The following RBBP6 variants were observed in gnomAD, a reference collection of about 807,000 sequenced individuals.
RBBP6 encodes E3 ubiquitin-protein ligase RBBP6.
RBBP6 carries 25 observed loss-of-function variants against 167.7 expected under a neutral mutation model. The observed-to-expected ratio is 0.15, with a 90% CI of 0.11 to 0.21. RBBP6 has a LOEUF of 0.21. Among genes scored for constraint, RBBP6 ranks in the 10% least tolerant of loss-of-function variants. The pLI, the probability that RBBP6 is intolerant of heterozygous loss-of-function variation, is 1.00. For synonymous variants in RBBP6, 789 were observed against 735.8 expected, an observed-to-expected ratio of 1.07 and a Z score of -1.17; for missense variants, 1,868 against 2,134.2, an observed-to-expected ratio of 0.88 and a Z score of 2.46.
rs111330949 is a variant in RBBP6 at position 24,570,305 on chromosome 16, A to G, written c.3615A>G (p.Pro1205=). The change falls in exon 17 of 18, where the codon CCA becomes CCG. Residue 1205 remains proline, a synonymous_variant. Transcript: ENST00000319715. The part of the protein sequence containing the change: ...PEKDKISLSA[P]AKKIKLNRET... ...AGGACAAAATTTCTTTAAGTGCGCC[A>G]GCCAAAAAAATCAAACTCAACAGAG... 1.1e-4 allele frequency: 173 copies of G among 1,610,144 alleles called. No homozygotes were observed. In the African/African-American group the frequency reaches 2.2e-3, roughly 21 times the overall value.
chr16:24,550,095 A>C (rs780414936), intron 3 of RBBP6, among the ~76,000 whole-genome samples: 54 of 151,962 alleles, frequency 3.6e-4, no homozygotes, highest in Non-Finnish European at 4.0e-4. Context: ...CAAGATGTCT[A>C]AAATCTTCAT....
chr16:24,547,443 A>G (rs777091344), intron 2 of RBBP6, among the ~76,000 whole-genome samples: 27 of 151,704 alleles, frequency 1.8e-4, no homozygotes, highest in Non-Finnish European at 3.2e-4. Flanking sequence ...ATATGTGTGT[A>G]TATATATATA....
In RBBP6 at chr16:24,569,470, A is replaced by G; in HGVS notation, c.2780A>G (p.Asp927Gly). 2 of 1,611,054 alleles carry G rather than the reference A, an allele frequency of 1.2e-6. No homozygotes were observed. Among genetic ancestry groups the G allele is most frequent in the Non-Finnish European group, 1.7e-6 (2 of 1,179,250 alleles). ...AAGGAGAGTGAAAACGCTCCAGGAG[A>G]TGGTAAAGGAAATAAGCATAAGAAA... ...KEKESENAPG[D>G]GKGNKHKKHR... is the part of the protein sequence containing the mutation. The change falls in exon 17 of 18, where the codon GAT becomes GGT. Residue 927 changes from aspartate (D) to glycine (G), a missense_variant. Around this residue, in one of 7 missense-constraint regions of RBBP6, gnomAD observed 673 missense variants for 691.5 expected, o/e 0.97. Transcript: ENST00000319715.
chr16:24,569,172 C>A lies in RBBP6; in HGVS notation c.2482C>A (p.Arg828=). ...FRDPFEKERY[R]EWERKYREWY... is the part of the protein sequence containing the mutation. Reference sequence around the variant, plus strand: ...AGACCCATTTGAAAAAGAACGCTACCGAGAATGGGAGAGAAAATATAGAGA... The same window carrying A: ...AGACCCATTTGAAAAAGAACGCTACAGAGAATGGGAGAGAAAATATAGAGA... Residue 828 remains arginine (R), a synonymous_variant, in exon 17 of 18, where the codon CGA becomes AGA. Transcript: ENST00000319715. 6.2e-7 allele frequency: 1 copy of A among 1,612,000 alleles called. No homozygotes were observed. Among genetic ancestry groups the A allele is most frequent in the South Asian group, 1.1e-5 (1 of 90,870 alleles).
chr16:24,570,865 ATTC>A lies in RBBP6; in HGVS notation c.3810-8_3810-6del, dbSNP rs777535712. ...CTTCATTAATTAAAAATATTTTGTT[ATTC>A]TTTTTAGTACGAGCTCAACTGGAGG... is the stretch of plus-strand genomic sequence containing the variant. On this transcript the variant is annotated splice_region_variant and splice_polypyrimidine_tract_variant and intron_variant, in intron 17 of 17. Coordinates refer to ENST00000319715, the MANE Select transcript of RBBP6 (RefSeq NM_006910.5). The A allele has an allele frequency of 4.2e-6, 6 of 1,434,130 alleles. No homozygotes were observed. The highest frequency in any genetic ancestry group is 1.4e-5 in the African/African-American group (1 of 69,286). 88.8% of individuals were successfully genotyped at this position (1,434,130 alleles called of 1,614,324 possible).
rs1356929080 is a variant in RBBP6, at chr16:24,562,006, T to C, written c.1134T>C (p.Thr378=). ...PLMIPVTSSS[T]HPAPSISSLT... ...TGATTCCAGTGACATCTTCATCAAC[T>C]CACCCAGCTCCGTCTATATCTTCAT... The change falls in exon 10 of 18, where the codon ACT becomes ACC. Residue 378 remains threonine, a synonymous_variant. Coordinates refer to ENST00000319715, the MANE Select transcript of RBBP6 (RefSeq NM_006910.5). 1 of 1,613,658 alleles carries C rather than the reference T, an allele frequency of 6.2e-7. No individual in the cohort carries two copies. The highest frequency in any genetic ancestry group is 8.5e-7 in the Non-Finnish European group (1 of 1,179,642).
At chr16:24,558,408 CTCTT>C (rs1898971166) in intron 7 of RBBP6, 6 of 548,154 alleles carry the variant, frequency 1.1e-5, no homozygotes, top group Non-Finnish European at 1.3e-5. Context: ...TCTTTTTTCT[CTCTT>C]TTGGGCAGTG....
chr16:24,562,076 C>A lies in RBBP6; in HGVS notation c.1204C>A (p.Pro402Thr). Residue 402 changes from proline (P) to threonine (T), a missense_variant, in exon 10 of 18, where the codon CCG (proline) becomes ACG (threonine). By Grantham distance (38) the Pro-to-Thr change is conservative. Coordinates refer to ENST00000319715, the MANE Select transcript of RBBP6 (RefSeq NM_006910.5). Reference sequence around the variant, plus strand: ...CTTGGCCCCTCCTGTGTCTGGAAATCCGTCTTCTGCTCCAGCTCCTGTACC... The same window carrying A: ...CTTGGCCCCTCCTGTGTCTGGAAATACGTCTTCTGCTCCAGCTCCTGTACC... ...SSLAPPVSGNPSSAPAPVPDI... is the reference protein window; with the variant it reads ...SSLAPPVSGNTSSAPAPVPDI... 1 of 1,613,474 alleles carries A rather than the reference C, an allele frequency of 6.2e-7. No homozygotes were observed. The highest frequency in any genetic ancestry group is 8.5e-7 in the Non-Finnish European group (1 of 1,179,488).
intron 1 of RBBP6, among the ~76,000 whole-genome samples, chr16:24,541,271 C>T (rs1419204584): frequency 6.6e-6 from 1 of 151,548 alleles, no homozygotes; most frequent in Non-Finnish European, 1.5e-5. Flanking sequence ...TCCTGCCTTC[C>T]TCCCTCCTCG....
chr16:24,567,412 T>C lies in RBBP6; in HGVS notation c.1859T>C (p.Val620Ala). The C allele has an allele frequency of 6.2e-7, 1 of 1,614,114 alleles. No homozygotes were observed. Among genetic ancestry groups the C allele is most frequent in the Non-Finnish European group, 8.5e-7 (1 of 1,180,014 alleles). The change falls in exon 15 of 18, where the codon GTG (valine) becomes GCG (alanine). Residue 620 changes from valine (V) to alanine (A), a missense_variant. Val to Ala is a moderately conservative substitution (Grantham distance 64). This residue lies in a region of RBBP6 where 145 missense variants were observed against 224.3 expected (regional missense o/e 0.65). Transcript: ENST00000319715. ...NLSTPWVSSGVQTAHSNTIPT... is the reference protein window; with the variant it reads ...NLSTPWVSSGAQTAHSNTIPT... ...TCAACACCTTGGGTATCATCAGGAG[T>C]GCAGACAGCTCATTCAAATACCATC...
At chr16:24,567,957 C>A in intron 16 of RBBP6, 64 bp downstream of exon 16, 1 of 1,347,098 alleles carries the variant, frequency 7.4e-7, no homozygotes, top group Non-Finnish European at 1.1e-6. Context: ...CAGGGATTAG[C>A]TATGGATATA....
At position 24,561,848 on chromosome 16, in the gene RBBP6, A is replaced by G. The variant is rs1899065010; in HGVS notation, c.976A>G (p.Thr326Ala). 6.2e-7 allele frequency: 1 copy of G among 1,611,442 alleles called. No homozygotes were observed. Among genetic ancestry groups the G allele is most frequent in the Middle Eastern group, 1.7e-4 (1 of 6,034 alleles). The change falls in exon 10 of 18, where the codon ACT becomes GCT. Residue 326 changes from threonine to alanine, a missense_variant. Thr to Ala is a moderately conservative substitution (Grantham distance 58). Coordinates refer to ENST00000319715, the MANE Select transcript of RBBP6 (RefSeq NM_006910.5). ...GGCTGTAAATAACTTCAAAAATGAA[A>G]CTGGCTATACAAAAAGACTACGAAA... ...RQAVNNFKNETGYTKRLRKQL... is the reference protein window; with the variant it reads ...RQAVNNFKNEAGYTKRLRKQL...
intron 17 of RBBP6, 31 bp from the exon 18 acceptor site, chr16:24,570,845 T>C: frequency 7.3e-7 from 1 of 1,373,730 alleles, no homozygotes; most frequent in Non-Finnish European, 9.5e-7. Flanking sequence ...AAATTCTTCA[T>C]TAATTAAAAA....
intron 1 of RBBP6, among the ~76,000 whole-genome samples, chr16:24,544,984 G>T (rs1275788761): frequency 6.6e-6 from 1 of 152,056 alleles, no homozygotes; most frequent in East Asian, 1.9e-4. Context: ...CATAACACAG[G>T]TCGTCATTAT....
intron 14 of RBBP6, among the ~76,000 whole-genome samples, chr16:24,565,303 C>G (rs1899167622): frequency 6.6e-6 from 1 of 152,180 alleles, no homozygotes; most frequent in Non-Finnish European, 1.5e-5. Context: ...CGTCTCTTTT[C>G]CAAAAGAAGA....
intron 14 of RBBP6, among the ~76,000 whole-genome samples, chr16:24,566,158 G>T (rs1424572249): frequency 2.0e-5 from 3 of 152,174 alleles, no homozygotes; most frequent in African/African-American, 7.2e-5. Context: ...TTAAAAGAAG[G>T]TAATAGTTAT....
At chr16:24,542,436 G>C (rs1261589110) in intron 1 of RBBP6, among the ~76,000 whole-genome samples, 2 of 150,370 alleles carry the variant, frequency 1.3e-5, no homozygotes, top group East Asian at 3.9e-4. Flanking sequence ...CCATCTTTTC[G>C]ACCCAACAAT....
At chr16:24,545,378 C>CT (rs371790538) in intron 1 of RBBP6, among the ~76,000 whole-genome samples, 1 of 152,138 alleles carries the variant, frequency 6.6e-6, no homozygotes, top group Non-Finnish European at 1.5e-5. Flanking sequence ...GGCCAGTAGT[C>CT]TTTTTTTCTT....
intron 14 of RBBP6, 130 bp from the exon 15 acceptor site, chr16:24,567,013 C>T (rs1405262868): frequency 5.4e-6 from 5 of 920,920 alleles, no homozygotes; most frequent in Non-Finnish European, 8.0e-6. Flanking sequence ...AATGTTGCTA[C>T]ACTAGTTGAA....
Sources: gnomAD v4.1 joint callset for allele counts (sites outside exome capture counted in the v4.1 genomes callset) on GRCh38, gnomAD v4.1.1 for gene constraint, gnomAD v4.1.1 regional missense constraint, MANE v1.5 for transcripts, NCBI Gene and HGNC (gene_info 2026-07-23, HGNC 2026-07-21) for gene names.